Variants in ZNF273 observed in about 807,000 individuals in gnomAD.
ZNF273 encodes the protein zinc finger protein 9.
In ZNF273, 11 loss-of-function variants were observed where a neutral mutation model predicts 14.9. That is an observed-to-expected ratio of 0.74 (90% CI 0.46 to 1.22). The LOEUF is 1.22. Ranked by LOEUF, ZNF273 falls within the 50% of genes most tolerant of loss-of-function variation. The probability of loss-of-function intolerance (pLI) is 0.00; values close to 1 mark genes in which losing one functional copy is unlikely to be tolerated. For missense variants in ZNF273, 577 were observed against 660.6 expected (o/e 0.87, Z 1.39); for synonymous variants, 199 against 223.9 (o/e 0.89, Z 0.99).
chr7:64,890,873 C>G (rs914588923), downstream of ZNF273, among the ~76,000 whole-genome samples: 5 of 152,210 alleles, frequency 3.3e-5, no homozygotes, highest in South Asian at 2.1e-4. Flanking sequence ...CTTCCTTCAC[C>G]GTTGCTCTGC....
chr7:64,914,795 G>GT (rs1257991044), intron 1 of ZNF273, among the ~76,000 whole-genome samples: 1 of 152,110 alleles, frequency 6.6e-6, no homozygotes, highest in African/African-American at 2.4e-5. Context: ...TGTGGGTGTG[G>GT]TGCTAGCAGA....
At chr7:64,880,478 T>A (rs895424057), downstream of ZNF273, among the ~76,000 whole-genome samples, 2 of 151,482 alleles carry the variant, frequency 1.3e-5, no homozygotes, top group African/African-American at 4.9e-5. Flanking sequence ...GTGTTGGGAG[T>A]GTTGGCTGCC....
chr7:64,918,737 A>AT (rs923398606), intron 3 of ZNF273, among the ~76,000 whole-genome samples: 36 of 136,876 alleles, frequency 2.6e-4, no homozygotes, highest in Admixed American at 6.6e-4. Flanking sequence ...GGAGAGCTGG[A>AT]TTTTTTTTTT....
At chr7:64,906,403 GCTTTT>G (rs1202275486) in intron 1 of ZNF273, among the ~76,000 whole-genome samples, 1 of 152,112 alleles carries the variant, frequency 6.6e-6, no homozygotes. Flanking sequence ...GGATACTTTT[GCTTTT>G]CTTGTTGAGG....
Position 64,929,933 on chromosome 7 carries a change from C to T in ZNF273, c.*895C>T, listed in dbSNP as rs1488960842. 1 of 151,904 alleles carries T rather than the reference C, an allele frequency of 6.6e-6. No individual in the cohort carries two copies. Among genetic ancestry groups the T allele is most frequent in the African/African-American group, 2.4e-5 (1 of 41,086 alleles). 9.4% of individuals were successfully genotyped at this position (151,904 alleles called of 1,614,324 possible). On this transcript the variant is annotated 3_prime_UTR_variant, in exon 4 of 4. Coordinates refer to ENST00000476120, the MANE Select transcript of ZNF273 (RefSeq NM_021148.3). ...CCAGGCTGGAGTGCAATGGCGTGAT[C>T]TCAGCTCACCGCAACCTCTGCCTCC...
chr7:64,920,421 G>A lies in ZNF273; in HGVS notation c.325+2129G>A, dbSNP rs144278156. The stretch of plus-strand genomic sequence containing the variant: ...AGAACCGGCCATGAACTGTAGCTCA[G>A]GGAGCTGGAACTGAGTCATTGAACT... On this transcript the variant is annotated intron_variant, in intron 3 of 3. Transcript: ENST00000476120. Among the ~76,000 whole-genome samples the A allele has an allele frequency of 9.2e-5, 14 of 152,284 alleles. No homozygotes were observed. The East Asian group carries it at 2.7e-3, about 29-fold the overall frequency.
intron 1 of ZNF273, among the ~76,000 whole-genome samples, chr7:64,912,340 C>T (rs1489902077): frequency 2.0e-5 from 3 of 152,308 alleles, no homozygotes; most frequent in South Asian, 4.1e-4. Context: ...GTCCTAATAT[C>T]TTTGTTAATT....
At chr7:64,901,041 C>T (rs1534147), upstream of ZNF273, among the ~76,000 whole-genome samples, 61,652 of 150,578 alleles carry the variant, frequency 0.41, 12,826 homozygotes, top group South Asian at 0.45. Flanking sequence ...CTTGCTCTAT[C>T]TCCCAGGCTG....
chr7:64,933,314 G>A (rs956125263), downstream of ZNF273: 3 of 152,222 alleles, frequency 2.0e-5, no homozygotes, highest in African/African-American at 7.2e-5. Flanking sequence ...GTGAAGTTCA[G>A]TCTACAGCTT....
At position 64,895,092 on chromosome 7, in the gene ZNF273, G is replaced by A. The variant is rs143985657; in HGVS notation, n.488+1195G>A. 9.3e-3 allele frequency among the ~76,000 whole-genome samples: 1,415 copies of A among 152,098 alleles called. 16 individuals carry two copies. Among genetic ancestry groups the A allele is most frequent in the African/African-American group, 0.032 (1,329 of 41,478 alleles). On this transcript the variant is annotated intron_variant and non_coding_transcript_variant, in intron 3 of 7. Coordinates refer to the ZNF273 transcript ENST00000527278. ...GCAGAGGTTGCAGTGAGCCCTAATCGTGCCGCTGCACTCCAGCCTGGGTGG... is the reference window on the plus strand; with the variant it reads ...GCAGAGGTTGCAGTGAGCCCTAATCATGCCGCTGCACTCCAGCCTGGGTGG...
chr7:64,918,688 A>AAT (rs1562961926), intron 3 of ZNF273, among the ~76,000 whole-genome samples: 1 of 136,220 alleles, frequency 7.3e-6, no homozygotes, highest in Non-Finnish European at 1.5e-5. Context: ...AAAAAAAAAA[A>AAT]TGTGATTTGG....
At chr7:64,908,703 G>A (rs4718169) in intron 1 of ZNF273, among the ~76,000 whole-genome samples, 60,405 of 151,898 alleles carry the variant, frequency 0.4, 13,501 homozygotes, top group South Asian at 0.49. Flanking sequence ...TGATCTGCTG[G>A]GCTCTGCCTC....
At chr7:64,894,297 G>C (rs540053006), downstream of ZNF273, among the ~76,000 whole-genome samples, 643 of 142,278 alleles carry the variant, frequency 4.5e-3, 4 homozygotes, top group African/African-American at 0.015. Context: ...GAGCCTCCAT[G>C]TCCGGCCAAT....
At chr7:64,922,486 A>T (rs1389958676) in intron 3 of ZNF273, among the ~76,000 whole-genome samples, 1 of 151,470 alleles carries the variant, frequency 6.6e-6, no homozygotes, top group African/African-American at 2.4e-5. Context: ...TAATTTTTGC[A>T]TTTTTAGTAG....
rs762970031 is a variant in ZNF273, at chr7:64,928,310, A to C, written c.982A>C (p.Ser328Arg). 1 of 1,613,426 alleles carries C rather than the reference A, an allele frequency of 6.2e-7. No individual in the cohort carries two copies. Among genetic ancestry groups the C allele is most frequent in the South Asian group, 1.1e-5 (1 of 91,024 alleles). Reference protein sequence around the residue: ...YNCEECGKGFSIFSTLTKHKI... With the variant: ...YNCEECGKGFRIFSTLTKHKI... ...TTGTGAAGAATGTGGCAAAGGCTTT[A>C]GTATATTCTCAACCCTTACTAAACA... Residue 328 changes from serine to arginine, a missense_variant, in exon 4 of 4, where the codon AGT becomes CGT. Coordinates refer to ENST00000476120, the MANE Select transcript of ZNF273 (RefSeq NM_021148.3).
upstream of ZNF273, among the ~76,000 whole-genome samples, chr7:64,902,752 G>A (rs1366866656): frequency 6.6e-6 from 1 of 152,164 alleles, no homozygotes; most frequent in Admixed American, 6.5e-5. Flanking sequence ...AAAACTGGAA[G>A]TGGGGAGGCG....
intron 3 of ZNF273, among the ~76,000 whole-genome samples, chr7:64,920,800 C>G (rs1448844349): frequency 6.6e-6 from 1 of 150,838 alleles, no homozygotes; most frequent in African/African-American, 2.4e-5. Context: ...CTGCATAATC[C>G]AGGCTGGTCT....
Position 64,930,362 on chromosome 7 carries a change from G to A in ZNF273, c.*1324G>A, listed in dbSNP as rs998507191. The A allele has an allele frequency of 5.3e-5, 8 of 152,126 alleles. No individual in the cohort carries two copies. Among genetic ancestry groups the A allele is most frequent in the African/African-American group, 1.9e-4 (8 of 41,420 alleles). The allele number at this position is 152,126 out of a possible 1,614,324, so 9.4% of individuals were successfully genotyped here. A position where few individuals can be genotyped will look rare whatever the true frequency, so the allele number is the denominator to read the frequency against. Reference sequence around the variant, plus strand: ...TCTTGTGGTTAACTGATAATATTGAGTGATGCATGAGGTAGGTGTTCAGAG... The same window carrying A: ...TCTTGTGGTTAACTGATAATATTGAATGATGCATGAGGTAGGTGTTCAGAG... On this transcript the variant is annotated 3_prime_UTR_variant, in exon 4 of 4. Coordinates refer to ENST00000476120, the MANE Select transcript of ZNF273 (RefSeq NM_021148.3).
At chr7:64,921,694 C>T (rs768043640) in intron 3 of ZNF273, among the ~76,000 whole-genome samples, 20 of 136,030 alleles carry the variant, frequency 1.5e-4, no homozygotes, top group Non-Finnish European at 2.1e-4. Context: ...GGCACGATCT[C>T]GGCTCACTGC....
Sources: gnomAD v4.1 joint callset for allele counts (sites outside exome capture counted in the v4.1 genomes callset) on GRCh38, gnomAD v4.1.1 for gene constraint, MANE v1.5 for transcripts, NCBI Gene and HGNC (gene_info 2026-07-23, HGNC 2026-07-21) for gene names.